Variants in CAMTA1 observed in about 807,000 individuals in gnomAD.
CAMTA1 encodes the protein calmodulin binding transcription activator 1.
A neutral mutation model predicts 170.9 loss-of-function variants in CAMTA1; 27 were observed. The observed-to-expected ratio is 0.16, with a 90% CI of 0.12 to 0.22. CAMTA1 has a LOEUF of 0.22. Ranked by LOEUF, CAMTA1 falls within the 10% of genes least tolerant of loss-of-function variation. The probability of loss-of-function intolerance (pLI) is 1.00; values close to 1 mark genes in which losing one functional copy is unlikely to be tolerated. For missense variants in CAMTA1, 1,619 were observed against 2,217.2 expected (o/e 0.73, Z 5.42); for synonymous variants, 833 against 891.5 (o/e 0.93, Z 1.17).
intron 3 of CAMTA1, among the ~76,000 whole-genome samples, chr1:6,838,398 G>C (rs1654167613): frequency 6.6e-6 from 1 of 152,166 alleles, no homozygotes; most frequent in Non-Finnish European, 1.5e-5. Context: ...TCTAAGGGGC[G>C]AGTGAGGGTG....
At chr1:7,207,539 A>T (rs1341476561) in intron 4 of CAMTA1, among the ~76,000 whole-genome samples, 1 of 152,160 alleles carries the variant, frequency 6.6e-6, no homozygotes, top group Non-Finnish European at 1.5e-5. Flanking sequence ...AATCACCCAC[A>T]ACTGAAAATT....
At chr1:7,687,934 C>T (rs987258828) in intron 11 of CAMTA1, among the ~76,000 whole-genome samples, 14 of 151,702 alleles carry the variant, frequency 9.2e-5, no homozygotes, top group East Asian at 1.9e-4. Context: ...GCAGATTCAC[C>T]GGAAGCCTGC....
Position 7,737,397 on chromosome 1 carries a change from G to A in CAMTA1, c.3485G>A (p.Cys1162Tyr), listed in dbSNP as rs1264304450. The A allele has an allele frequency of 1.9e-6, 3 of 1,614,250 alleles. No homozygotes were observed. The highest frequency in any genetic ancestry group is 3.3e-5 in the Admixed American group (2 of 60,036). ...RSRGHVKLAE[C>Y]LEHLQRDEQA... ...CGGGGTCATGTGAAATTAGCAGAGT[G>A]TCTGGAGCACCTGCAGAGAGATGAG... The change falls in exon 15 of 23, where the codon TGT (cysteine) becomes TAT (tyrosine). Residue 1162 changes from cysteine to tyrosine, a missense_variant. Cys to Tyr is a radical substitution (Grantham distance 194). Around this residue, in one of 8 missense-constraint regions of CAMTA1, gnomAD observed 370 missense variants for 429.4 expected, o/e 0.86. Coordinates refer to ENST00000303635, the MANE Select transcript of CAMTA1 (RefSeq NM_015215.4).
intron 3 of CAMTA1, among the ~76,000 whole-genome samples, chr1:7,032,103 T>G (rs1188685120): frequency 6.6e-6 from 1 of 152,084 alleles, no homozygotes; most frequent in Non-Finnish European, 1.5e-5. Context: ...GTAGCTGGTA[T>G]TACAGGCACC....
rs1248220535 is a variant in CAMTA1, at chr1:7,768,375, T to C, written c.*1884T>C. 6.5e-6 allele frequency: 1 copy of C among 152,766 alleles called. No individual in the cohort carries two copies. The highest frequency in any genetic ancestry group is 1.5e-5 in the Non-Finnish European group (1 of 68,024). 9.5% of individuals were successfully genotyped at this position (152,766 alleles called of 1,614,324 possible). On this transcript the variant is annotated 3_prime_UTR_variant, in exon 23 of 23. Coordinates refer to ENST00000303635, the MANE Select transcript of CAMTA1 (RefSeq NM_015215.4). ...TAAAGTTCGTATTTGCTGATGCCAG[T>C]TTAAAATTCCCAGGTTACGTCTGAG...
At chr1:7,187,919 T>C (rs12404789) in intron 4 of CAMTA1, among the ~76,000 whole-genome samples, 40,882 of 152,062 alleles carry the variant, frequency 0.27, 6,212 homozygotes, top group African/African-American at 0.4. Flanking sequence ...ATCACACTGC[T>C]ATAAAGAAAT....
At chr1:6,938,330 T>C (rs1685812379) in intron 3 of CAMTA1, among the ~76,000 whole-genome samples, 1 of 152,042 alleles carries the variant, frequency 6.6e-6, no homozygotes. Context: ...GAGAGACTGG[T>C]TGGCTGGGGT....
intron 16 of CAMTA1, among the ~76,000 whole-genome samples, chr1:7,741,941 GTTGT>G (rs1324434481): frequency 7.0e-4 from 71 of 101,642 alleles, no homozygotes; most frequent in Admixed American, 1.4e-3. Context: ...CCGGCCTCGG[GTTGT>G]TTTTTTTTTT....
In CAMTA1 at chr1:7,065,553, A is replaced by G. The variant is rs1014133086; in HGVS notation, c.235-25751A>G. Among the ~76,000 whole-genome samples the G allele has an allele frequency of 2.6e-5, 4 of 152,162 alleles. No individual in the cohort carries two copies. Among genetic ancestry groups the G allele is most frequent in the African/African-American group, 9.7e-5 (4 of 41,440 alleles). On this transcript the variant is annotated intron_variant, in intron 3 of 22. Transcript: ENST00000303635. This position sits in a 1 kb window ranked among gnomAD's most constrained non-coding sequence, Gnocchi z 5.2. ...GGAGTGAGGTCCTGGAGGAGGGGACAGGAGATGGGATCCAGGGCGCAGCTG... is the reference window on the plus strand; with the variant it reads ...GGAGTGAGGTCCTGGAGGAGGGGACGGGAGATGGGATCCAGGGCGCAGCTG...
At chr1:7,016,172 T>C (rs893106257) in intron 3 of CAMTA1, among the ~76,000 whole-genome samples, 1 of 152,210 alleles carries the variant, frequency 6.6e-6, no homozygotes, top group Non-Finnish European at 1.5e-5. Flanking sequence ...TTTTTGAGAA[T>C]GTCAGATGCA....
rs946519338 is a variant in CAMTA1 at position 7,748,298 on chromosome 1, C to G, written c.4689+517C>G. 6.6e-6 allele frequency among the ~76,000 whole-genome samples: 1 copy of G among 152,008 alleles called. No homozygotes were observed. ...AAACAGGGGAAGCCACACATGATGG[C>G]GTGTGCCTGTAATCCCAGCTCCTCA... On this transcript the variant is annotated intron_variant, in intron 19 of 22. Coordinates refer to ENST00000303635, the MANE Select transcript of CAMTA1 (RefSeq NM_015215.4). The surrounding 1 kb of genome is among the most constrained non-coding windows in gnomAD (Gnocchi z 4.7).
chr1:7,220,308 G>T (rs1188292188), intron 4 of CAMTA1, among the ~76,000 whole-genome samples: 1 of 152,136 alleles, frequency 6.6e-6, no homozygotes, highest in East Asian at 1.9e-4. Flanking sequence ...CCTCCTCGAA[G>T]GACAGGGAAA....
Position 6,785,595 on chromosome 1 carries a change from G to T in CAMTA1, c.45+20G>T. ...CGGAAGGTAAGAGCCGGAGCGCGAG[G>T]GGCTGGGGGGCGGCGCGGCGGGCGG... On this transcript the variant is annotated intron_variant, in intron 1 of 22. Transcript: ENST00000303635. 1 of 1,016,322 alleles carries T rather than the reference G, an allele frequency of 9.8e-7. No homozygotes were observed. Among genetic ancestry groups the T allele is most frequent in the Non-Finnish European group, 1.2e-6 (1 of 840,264 alleles). 63.0% of individuals were successfully genotyped at this position (1,016,322 alleles called of 1,614,324 possible).
At chr1:7,679,943 C>G (rs976985463) in intron 11 of CAMTA1, among the ~76,000 whole-genome samples, 6 of 152,232 alleles carry the variant, frequency 3.9e-5, no homozygotes, top group African/African-American at 1.4e-4. Flanking sequence ...CTGCCAGACC[C>G]CACCTGGCTG....
intron 5 of CAMTA1, among the ~76,000 whole-genome samples, chr1:7,462,310 G>C (rs893656565): frequency 2.6e-5 from 4 of 152,140 alleles, no homozygotes; most frequent in Non-Finnish European, 4.4e-5. Flanking sequence ...CTGTTGCCCA[G>C]GCTGGAGTGC....
intron 3 of CAMTA1, among the ~76,000 whole-genome samples, chr1:7,016,123 C>G (rs35553818): frequency 6.6e-6 from 1 of 152,076 alleles, no homozygotes; most frequent in Non-Finnish European, 1.5e-5. Flanking sequence ...CCTAACCCCC[C>G]GAAATCACTC....
At chr1:7,658,218 C>T (rs1285478985) in intron 7 of CAMTA1, among the ~76,000 whole-genome samples, 3 of 152,220 alleles carry the variant, frequency 2.0e-5, no homozygotes, top group Non-Finnish European at 2.9e-5. Context: ...TGGCAAGGGG[C>T]ACCTGCTCCG....
Position 7,092,043 on chromosome 1 carries a change from GT to G in CAMTA1, c.302+677del, listed in dbSNP as rs1641535198. Among the ~76,000 whole-genome samples the G allele has an allele frequency of 6.6e-6, 1 of 152,208 alleles. No individual in the cohort carries two copies. Among genetic ancestry groups the G allele is most frequent in the South Asian group, 2.1e-4 (1 of 4,832 alleles). Reference sequence around the variant, plus strand: ...CTCTTTTGGTCCTCCCCAACTCTAGGTTTTTATTTTTGGAATGTTACAATCT... The same window carrying G: ...CTCTTTTGGTCCTCCCCAACTCTAGGTTTTATTTTTGGAATGTTACAATCT... On this transcript the variant is annotated intron_variant, in intron 4 of 22. Coordinates refer to ENST00000303635, the MANE Select transcript of CAMTA1 (RefSeq NM_015215.4). The surrounding 1 kb of genome is among the most constrained non-coding windows in gnomAD (Gnocchi z 5.0).
intron 5 of CAMTA1, among the ~76,000 whole-genome samples, chr1:7,263,487 G>T (rs1404567994): frequency 6.6e-6 from 1 of 152,088 alleles, no homozygotes; most frequent in Admixed American, 6.5e-5. Context: ...AACATTTTTG[G>T]GTTTTGTTTT....
Sources: allele counts gnomAD v4.1 joint callset (sites outside exome capture counted in the v4.1 genomes callset), GRCh38; gene constraint gnomAD v4.1.1; regional missense constraint gnomAD v4.1.1; non-coding constraint Gnocchi (gnomAD v3.1); transcripts MANE v1.5; gene names NCBI Gene and HGNC (gene_info 2026-07-23, HGNC 2026-07-21).